Variants in COL5A1 observed in about 807,000 individuals in gnomAD.
COL5A1 encodes collagen type V alpha 1 chain, also known as collagen alpha-1(V) chain.
COL5A1 carries 16 observed loss-of-function variants against 263.7 expected under a neutral mutation model. The ratio of observed to expected loss-of-function variants is 0.06; its 90% CI spans 0.04 to 0.09. COL5A1 has a LOEUF of 0.09. COL5A1 is among the 10% of genes least tolerant of loss of function. The probability of loss-of-function intolerance (pLI) is 1.00; values close to 1 mark genes in which losing one functional copy is unlikely to be tolerated. For missense variants in COL5A1, 2,036 were observed against 2,540.5 expected (o/e 0.80, Z 4.27); for synonymous variants, 1,012 against 1,004.5 (o/e 1.01, Z -0.14).
At position 134,757,962 on chromosome 9, in the gene COL5A1, C is replaced by T. The variant is rs1836045293; in HGVS notation, c.1882-281C>T. On this transcript the variant is annotated intron_variant, in intron 17 of 65. Coordinates refer to ENST00000371817, the MANE Select transcript of COL5A1 (RefSeq NM_000093.5). The surrounding 1 kb of genome is among the most constrained non-coding windows in gnomAD (Gnocchi z 6.2). ...CACACACGGGAAACTGCAGCGGTCGCTGAAATACCGCATGACTAAGGACCC... is the reference window on the plus strand; with the variant it reads ...CACACACGGGAAACTGCAGCGGTCGTTGAAATACCGCATGACTAAGGACCC... Among the ~76,000 whole-genome samples, 1 of 152,170 alleles carries T rather than the reference C, an allele frequency of 6.6e-6. No homozygotes were observed. The highest frequency in any genetic ancestry group is 2.4e-5 in the African/African-American group (1 of 41,430).
intron 4 of COL5A1, among the ~76,000 whole-genome samples, chr9:134,717,828 T>A (rs1834324214): frequency 6.6e-6 from 1 of 152,204 alleles, no homozygotes; most frequent in African/African-American, 2.4e-5. Flanking sequence ...TCAGCTGGGA[T>A]TCCTGTGGAC....
chr9:134,806,435 T>C, intron 42 of COL5A1, 139 bp downstream of exon 42: 1 of 647,884 alleles, frequency 1.5e-6, no homozygotes, highest in Non-Finnish European at 2.7e-6. Flanking sequence ...TGCGGCCCTC[T>C]AGGACAGAGC....
At chr9:134,812,084 T>A (rs1258947625) in intron 46 of COL5A1, among the ~76,000 whole-genome samples, 1 of 152,226 alleles carries the variant, frequency 6.6e-6, no homozygotes, top group Non-Finnish European at 1.5e-5. Context: ...TTGAATGCCA[T>A]TACACATGAC....
intron 2 of COL5A1, among the ~76,000 whole-genome samples, chr9:134,692,303 C>T (rs1008295364): frequency 3.9e-5 from 6 of 152,166 alleles, no homozygotes; most frequent in Admixed American, 6.5e-5. Context: ...CAGCCTCAAG[C>T]GTGTGGAACT....
intron 28 of COL5A1, among the ~76,000 whole-genome samples, chr9:134,781,181 G>C (rs1199658010): frequency 1.3e-5 from 2 of 152,276 alleles, no homozygotes; most frequent in African/African-American, 4.8e-5. Context: ...GAAATGATGT[G>C]GCAGCAGGAA....
chr9:134,792,865 G>A (rs1271990040), intron 32 of COL5A1, among the ~76,000 whole-genome samples: 2 of 32,596 alleles, frequency 6.1e-5, no homozygotes, highest in East Asian at 4.3e-4. Context: ...ACGTGTGTGT[G>A]CGCGCGTTTG....
rs1397705004 is a variant in COL5A1, at chr9:134,824,728, A to C, written c.4827A>C (p.Glu1609Asp). 6.2e-7 allele frequency: 1 copy of C among 1,614,240 alleles called. No homozygotes were observed. Among genetic ancestry groups the C allele is most frequent in the Non-Finnish European group, 8.5e-7 (1 of 1,180,052 alleles). ...ACGTGGACTACGCGGACGGCATGGA[A>C]GAGATCTTCGGCTCTCTCAACTCTC... ...ENYVDYADGM[E>D]EIFGSLNSLK... Residue 1609 changes from glutamate (E) to aspartate (D), a missense_variant, in exon 62 of 66, where the codon GAA (glutamate) becomes GAC (aspartate). Transcript: ENST00000371817.
rs1005323201 is a variant in COL5A1 at position 134,802,971 on chromosome 9, C to T, written c.3090C>T (p.Gly1030=). The change falls in exon 39 of 66, where the codon GGC becomes GGT. Residue 1030 remains glycine, a synonymous_variant. Transcript: ENST00000371817. ...CCCCCGGTGAACAGGGGCTTCCGGG[C>T]CTTGCTGGAAAAGAAGGGACGAAGG... ...PGPPGEQGLP[G]LAGKEGTKGD... 1 of 1,607,690 alleles carries T rather than the reference C, an allele frequency of 6.2e-7. No homozygotes were observed. Among genetic ancestry groups the T allele is most frequent in the African/African-American group, 1.3e-5 (1 of 75,020 alleles).
intron 9 of COL5A1, among the ~76,000 whole-genome samples, chr9:134,735,515 T>G (rs1369872714): frequency 6.6e-6 from 1 of 152,128 alleles, no homozygotes. Context: ...CCTGGGAAGG[T>G]TCAGGCATCC....
rs1007325514 is a variant in COL5A1 at position 134,754,275 on chromosome 9, T to G, written c.1776T>G (p.Gly592=). The G allele has an allele frequency of 1.9e-6, 3 of 1,613,710 alleles. No homozygotes were observed. In the African/African-American group the frequency reaches 4.0e-5, roughly 22 times the overall value. The part of the protein sequence containing the change: ...KGEPGDVGPQ[G]PRGVQGPPGP... ...CCTTTGTCTCTTACCCCTGGCAGGG[T>G]CCTCGAGGTGTGCAAGGCCCGCCTG... is the stretch of plus-strand genomic sequence containing the variant. Residue 592 remains glycine (G), a splice_region_variant and synonymous_variant, in exon 16 of 66, where the codon GGT becomes GGG. Coordinates refer to ENST00000371817, the MANE Select transcript of COL5A1 (RefSeq NM_000093.5). The surrounding 1 kb of genome is among the most constrained non-coding windows in gnomAD (Gnocchi z 4.3).
At chr9:134,662,920 C>T (rs1220989076) in intron 1 of COL5A1, among the ~76,000 whole-genome samples, 1 of 152,224 alleles carries the variant, frequency 6.6e-6, no homozygotes. Context: ...TTAGCAGAGA[C>T]CGATGAGTGT....
chr9:134,783,817 C>G (rs985934333), intron 29 of COL5A1, among the ~76,000 whole-genome samples: 1 of 152,216 alleles, frequency 6.6e-6, no homozygotes, highest in Non-Finnish European at 1.5e-5. Context: ...CTAAAGGCAC[C>G]CATTCTAGAA....
intron 4 of COL5A1, among the ~76,000 whole-genome samples, chr9:134,726,077 ACT>A (rs1462016996): frequency 6.6e-6 from 1 of 152,016 alleles, no homozygotes; most frequent in Non-Finnish European, 1.5e-5. Context: ...CTTTAAAAAT[ACT>A]CTCTTCCCCA....
At position 134,660,604 on chromosome 9, in the gene COL5A1, T is replaced by C. The variant is rs187367935; in HGVS notation, c.109+18308T>C. On this transcript the variant is annotated intron_variant, in intron 1 of 65. Transcript: ENST00000371817. The stretch of plus-strand genomic sequence containing the variant: ...TGGTGGGAGTGGTGCCCCTGGAGGT[T>C]AAGGAGGGTATTGCATCCCAGCTCT... 1.3e-3 allele frequency among the ~76,000 whole-genome samples: 205 copies of C among 152,260 alleles called. 1 individual carries two copies. The highest frequency in any genetic ancestry group is 6.2e-3 in the South Asian group (30 of 4,824).
intron 65 of COL5A1, among the ~76,000 whole-genome samples, chr9:134,837,022 G>A (rs994778283): frequency 8.5e-5 from 13 of 152,204 alleles, no homozygotes; most frequent in Non-Finnish European, 1.6e-4. Flanking sequence ...GTATAACATA[G>A]CACCTGCCTC....
At chr9:134,785,127 T>C in intron 30 of COL5A1, 31 bp downstream of exon 30, 1 of 1,568,922 alleles carries the variant, frequency 6.4e-7, no homozygotes, top group Non-Finnish European at 8.8e-7. Context: ...AGCCACTTTC[T>C]TGGGAGGGAT....
intron 1 of COL5A1, among the ~76,000 whole-genome samples, chr9:134,673,924 G>C (rs4842140): frequency 1 from 151,722 of 152,332 alleles, 75,557 homozygotes; most frequent in Middle Eastern, 1. Context: ...AAATGTTCCA[G>C]AAAAGAAGAC....
intron 21 of COL5A1, among the ~76,000 whole-genome samples, chr9:134,766,030 C>G (rs1201157362): frequency 6.6e-6 from 1 of 152,220 alleles, no homozygotes; most frequent in Non-Finnish European, 1.5e-5. Context: ...TAAGCAGAAA[C>G]CCAGGATGTC....
chr9:134,813,537 C>T (rs12000086), intron 48 of COL5A1, among the ~76,000 whole-genome samples: 3,425 of 152,290 alleles, frequency 0.022, 145 homozygotes, highest in African/African-American at 0.078. Context: ...CTTGGTGTCC[C>T]CGCTGTAGGG....
Sources: gnomAD v4.1 joint callset for allele counts (sites outside exome capture counted in the v4.1 genomes callset) on GRCh38, gnomAD v4.1.1 for gene constraint, Gnocchi (gnomAD v3.1) non-coding constraint, MANE v1.5 for transcripts, NCBI Gene and HGNC (gene_info 2026-07-23, HGNC 2026-07-21) for gene names.